The following PCDH9 variants were observed in gnomAD, a reference collection of about 807,000 sequenced individuals.
PCDH9 encodes protocadherin 9.
Under a neutral mutation model 70.6 loss-of-function variants are expected in PCDH9, and 24 were observed. That is an observed-to-expected ratio of 0.34 (90% confidence interval 0.25 to 0.48). The LOEUF (loss-of-function observed/expected upper bound fraction) is 0.48. Among genes scored for constraint, PCDH9 ranks in the 20% least tolerant of loss-of-function variants. The probability of loss-of-function intolerance (pLI) is 0.99; values close to 1 mark genes in which losing one functional copy is unlikely to be tolerated. For synonymous variants in PCDH9, 562 were observed against 558.5 expected (o/e 1.01, Z -0.09); for missense variants, 1,281 against 1,503.6 (o/e 0.85, Z 2.45).
chr13:67,072,098 C>T (rs1374011810), intron 2 of PCDH9, among the ~76,000 whole-genome samples: 1 of 152,040 alleles, frequency 6.6e-6, no homozygotes, highest in Non-Finnish European at 1.5e-5. Context: ...CTACTGATCT[C>T]TCTGTAGGTA....
intron 2 of PCDH9, among the ~76,000 whole-genome samples, chr13:66,980,743 T>G (rs1286411348): frequency 5.0e-5 from 6 of 120,606 alleles, no homozygotes; most frequent in Admixed American, 8.4e-5. Context: ...TTTTTTTTTG[T>G]TTTTTTTTTT....
chr13:66,921,331 G>A (rs929062820), intron 2 of PCDH9, among the ~76,000 whole-genome samples: 2 of 151,042 alleles, frequency 1.3e-5, no homozygotes, highest in Non-Finnish European at 3.0e-5. Context: ...TTGTATTTAC[G>A]TGAGAGAAAG....
In PCDH9 at chr13:66,559,821, T is replaced by A. The variant is rs865815421; in HGVS notation, c.3340+71389A>T. On this transcript the variant is annotated intron_variant, in intron 4 of 4. Coordinates refer to ENST00000377865, the MANE Select transcript of PCDH9 (RefSeq NM_203487.3). The stretch of plus-strand genomic sequence containing the variant: ...TCTCAAAAAAAAAAAAAAAAAAATA[T>A]ATATATATATATACACACACACACA... Among the ~76,000 whole-genome samples the A allele has an allele frequency of 4.3e-3, 334 of 77,166 alleles. 5 individuals carry two copies. The highest frequency in any genetic ancestry group is 0.01 in the East Asian group (27 of 2,684). The allele number at this position is 77,166 out of a possible 152,430, so 50.6% of individuals were successfully genotyped here. A position where few individuals can be genotyped will look rare whatever the true frequency, so the allele number is the denominator to read the frequency against.
At chr13:66,681,422 C>T (rs575414647) in intron 3 of PCDH9, among the ~76,000 whole-genome samples, 13 of 152,192 alleles carry the variant, frequency 8.5e-5, no homozygotes, top group African/African-American at 3.1e-4. Flanking sequence ...TGAAGTGAAT[C>T]TCTCTCCTTT....
rs1298873808 is a variant in PCDH9 at position 66,340,098 on chromosome 13, G to A, written c.3341-35070C>T. On this transcript the variant is annotated intron_variant, in intron 4 of 4. Coordinates refer to ENST00000377865, the MANE Select transcript of PCDH9 (RefSeq NM_203487.3). Reference sequence around the variant, plus strand: ...GTTTTCCTCAATTAAAAAATCCAGAGTAATTACATATTTCTAGCCATTCAA... The same window carrying A: ...GTTTTCCTCAATTAAAAAATCCAGAATAATTACATATTTCTAGCCATTCAA... Among the ~76,000 whole-genome samples the A allele has an allele frequency of 5.9e-5, 9 of 152,018 alleles. No individual in the cohort carries two copies. In the South Asian group the frequency reaches 1.9e-3, roughly 32 times the overall value.
intron 2 of PCDH9, among the ~76,000 whole-genome samples, chr13:67,003,798 G>C (rs1056892186): frequency 6.6e-6 from 1 of 152,104 alleles, no homozygotes; most frequent in Non-Finnish European, 1.5e-5. Context: ...TTACAGGAAC[G>C]CTTTTAATGA....
At chr13:67,178,994 T>A (rs2088541894) in intron 2 of PCDH9, among the ~76,000 whole-genome samples, 1 of 152,094 alleles carries the variant, frequency 6.6e-6, no homozygotes, top group African/African-American at 2.4e-5. Flanking sequence ...TACTGTAAAG[T>A]CCATGAGGAC....
intron 2 of PCDH9, among the ~76,000 whole-genome samples, chr13:66,998,125 T>C (rs2139813462): frequency 6.6e-6 from 1 of 152,272 alleles, no homozygotes; most frequent in Admixed American, 6.5e-5. Context: ...CACTGGGGCC[T>C]TCAGGGTAAA....
intron 4 of PCDH9, among the ~76,000 whole-genome samples, chr13:66,431,000 T>A (rs1257493334): frequency 6.6e-6 from 1 of 152,120 alleles, no homozygotes; most frequent in African/African-American, 2.4e-5. Context: ...CATCAGTGCA[T>A]TAAATCTCTT....
At chr13:66,481,315 AAG>A (rs1491363781) in intron 4 of PCDH9, among the ~76,000 whole-genome samples, 1 of 151,528 alleles carries the variant, frequency 6.6e-6, no homozygotes, top group African/African-American at 2.4e-5. Context: ...AAAAAAAAAA[AAG>A]AAACTGCCAT....
chr13:66,739,505 T>C (rs1480815421), intron 3 of PCDH9, among the ~76,000 whole-genome samples: 1 of 146,662 alleles, frequency 6.8e-6, no homozygotes, highest in African/African-American at 2.5e-5. Context: ...TAACTTTAAA[T>C]GTAAATGGAC....
chr13:67,058,233 T>C (rs2085461066), intron 2 of PCDH9, among the ~76,000 whole-genome samples: 1 of 152,194 alleles, frequency 6.6e-6, no homozygotes, highest in Non-Finnish European at 1.5e-5. Flanking sequence ...TTTGTGTCTA[T>C]GTGTATACGT....
At chr13:66,386,020 A>G (rs1956922915) in intron 4 of PCDH9, among the ~76,000 whole-genome samples, 1 of 151,706 alleles carries the variant, frequency 6.6e-6, no homozygotes, top group African/African-American at 2.4e-5. Flanking sequence ...GGGAAGAAAA[A>G]GTATCTTTTA....
intron 4 of PCDH9, among the ~76,000 whole-genome samples, chr13:66,580,992 C>T (rs1327283927): frequency 6.6e-6 from 1 of 152,124 alleles, no homozygotes; most frequent in Non-Finnish European, 1.5e-5. Flanking sequence ...CTATAGGCTA[C>T]AGCCTCTCCA....
At chr13:66,920,129 TG>T in intron 2 of PCDH9, among the ~76,000 whole-genome samples, 1 of 151,262 alleles carries the variant, frequency 6.6e-6, no homozygotes, top group African/African-American at 2.4e-5. Context: ...AAACACTGTT[TG>T]TATTTACATG....
intron 2 of PCDH9, among the ~76,000 whole-genome samples, chr13:67,003,862 A>G (rs1193332451): frequency 1.3e-5 from 2 of 152,232 alleles, no homozygotes; most frequent in African/African-American, 4.8e-5. Context: ...ATTTTAAAAA[A>G]TAGTCTCCTT....
chr13:66,469,058 A>G (rs1958567277), intron 4 of PCDH9, among the ~76,000 whole-genome samples: 1 of 152,132 alleles, frequency 6.6e-6, no homozygotes, highest in Admixed American at 6.6e-5. Flanking sequence ...TGTGGGACCT[A>G]ATCAGAATTT....
At chr13:66,455,073 G>A (rs181795421) in intron 4 of PCDH9, among the ~76,000 whole-genome samples, 108 of 151,802 alleles carry the variant, frequency 7.1e-4, no homozygotes, top group African/African-American at 2.5e-3. Context: ...TAATTCTGTC[G>A]TTATACAGAA....
chr13:66,886,977 CTT>C (rs2082014145), intron 3 of PCDH9, among the ~76,000 whole-genome samples: 3 of 151,052 alleles, frequency 2.0e-5, no homozygotes, highest in Admixed American at 2.0e-4. Context: ...TTCTTTTAAC[CTT>C]TCTCTATTCT....
Sources: gnomAD v4.1 joint callset for allele counts (sites outside exome capture counted in the v4.1 genomes callset) on GRCh38, gnomAD v4.1.1 for gene constraint, MANE v1.5 for transcripts, NCBI Gene and HGNC (gene_info 2026-07-23, HGNC 2026-07-21) for gene names.